Variants in KCNIP4 observed in about 807,000 individuals in gnomAD.
KCNIP4 encodes potassium voltage-gated channel interacting protein 4, also known as Kv channel-interacting protein 4.
Under a neutral mutation model 34.0 loss-of-function variants are expected in KCNIP4, and 12 were observed. That is an observed-to-expected ratio of 0.35 (90% confidence interval 0.23 to 0.57). KCNIP4 has a LOEUF of 0.57. Ranked by LOEUF, KCNIP4 falls within the 20% of genes least tolerant of loss-of-function variation. The pLI is 0.83. For missense variants in KCNIP4, 238 were observed against 311.7 expected (o/e 0.76, Z 1.78); for synonymous variants, 124 against 102.2 (o/e 1.21, Z -1.29).
At chr4:21,758,713 A>G (rs1419736083) in intron 1 of KCNIP4, among the ~76,000 whole-genome samples, 2 of 152,090 alleles carry the variant, frequency 1.3e-5, no homozygotes, top group African/African-American at 4.8e-5. Context: ...TACTTATCCC[A>G]TCTGTAAAAC....
chr4:20,843,096 T>G (rs775799269), intron 3 of KCNIP4, among the ~76,000 whole-genome samples: 2 of 151,952 alleles, frequency 1.3e-5, no homozygotes, highest in South Asian at 4.2e-4. Flanking sequence ...TTAGTAGATA[T>G]GGGGTTTCGC....
At chr4:21,946,947 C>G (rs937199613) in intron 1 of KCNIP4, among the ~76,000 whole-genome samples, 6 of 152,164 alleles carry the variant, frequency 3.9e-5, no homozygotes, top group African/African-American at 1.4e-4. Context: ...TGACCCTGTG[C>G]ATAGTCTAGA....
chr4:21,238,422 A>G (rs986074087), intron 1 of KCNIP4, among the ~76,000 whole-genome samples: 9 of 152,174 alleles, frequency 5.9e-5, no homozygotes, highest in African/African-American at 1.9e-4. Flanking sequence ...TTCAATTAGG[A>G]AAAGAGGAAG....
Position 20,895,513 on chromosome 4 carries a change from G to A in KCNIP4, c.62-12804C>T, listed in dbSNP as rs897942346. ...CTGCAAAATGCTTCAAATGCCAGAA[G>A]AAATAACATATAATCCATTATAATT... On this transcript the variant is annotated intron_variant, in intron 1 of 8. Coordinates refer to ENST00000382152, the MANE Select transcript of KCNIP4 (RefSeq NM_025221.6). Among the ~76,000 whole-genome samples the A allele has an allele frequency of 2.0e-5, 3 of 152,292 alleles. No individual in the cohort carries two copies. In the East Asian group the frequency reaches 5.8e-4, roughly 29 times the overall value.
intron 1 of KCNIP4, among the ~76,000 whole-genome samples, chr4:21,486,470 A>C (rs1731922205): frequency 6.6e-6 from 1 of 152,162 alleles, no homozygotes; most frequent in Admixed American, 6.5e-5. Context: ...CTATCTCCAA[A>C]ATCAAAGGAA....
chr4:21,327,364 A>G (rs925966541), intron 1 of KCNIP4, among the ~76,000 whole-genome samples: 12 of 152,104 alleles, frequency 7.9e-5, no homozygotes, highest in African/African-American at 2.9e-4. Flanking sequence ...TAAACATGTC[A>G]TGCCAATCTC....
chr4:21,156,399 C>T (rs1448538921), intron 1 of KCNIP4, among the ~76,000 whole-genome samples: 1 of 152,170 alleles, frequency 6.6e-6, no homozygotes. Flanking sequence ...CTGTCTTTCT[C>T]TGCTCAAAGA....
At chr4:21,645,751 A>G (rs1003145600) in intron 1 of KCNIP4, among the ~76,000 whole-genome samples, 1 of 152,154 alleles carries the variant, frequency 6.6e-6, no homozygotes, top group African/African-American at 2.4e-5. Context: ...GATGGGCTGT[A>G]TGAGTGGCAA....
intron 1 of KCNIP4, chr4:21,544,497 G>C (rs1334782256): frequency 1.3e-5 from 2 of 152,138 alleles, no homozygotes; most frequent in African/African-American, 4.8e-5. Flanking sequence ...GAAGTTCCAA[G>C]GACTAATCCA....
At chr4:21,922,673 GATCA>G (rs749632593) in intron 1 of KCNIP4, among the ~76,000 whole-genome samples, 12 of 152,090 alleles carry the variant, frequency 7.9e-5, no homozygotes, top group Non-Finnish European at 1.0e-4. Context: ...TATAAACTGA[GATCA>G]ATCAAACTAC....
chr4:20,962,434 C>T (rs541571471), intron 1 of KCNIP4, among the ~76,000 whole-genome samples: 1 of 152,254 alleles, frequency 6.6e-6, no homozygotes, highest in East Asian at 1.9e-4. Flanking sequence ...CTTCTCGTTG[C>T]CCATGTTTCT....
chr4:21,486,529 A>G (rs1216876537), intron 1 of KCNIP4, among the ~76,000 whole-genome samples: 1 of 152,226 alleles, frequency 6.6e-6, no homozygotes, highest in Non-Finnish European at 1.5e-5. Context: ...AGTTTTGCTC[A>G]TATTTGCATT....
intron 1 of KCNIP4, among the ~76,000 whole-genome samples, chr4:20,950,070 C>A (rs7698780): frequency 0.61 from 90,602 of 148,262 alleles, 28,103 homozygotes; most frequent in East Asian, 0.82. Context: ...AAAAACTATA[C>A]AATTTTACAA....
At chr4:21,626,875 T>C (rs1577715028) in intron 1 of KCNIP4, among the ~76,000 whole-genome samples, 1 of 151,680 alleles carries the variant, frequency 6.6e-6, no homozygotes, top group Admixed American at 6.6e-5. Context: ...ATTTTTTTTT[T>C]CCCCAGGCTA....
At chr4:21,284,734 TTGTGTGTG>T (rs10547040) in intron 1 of KCNIP4, among the ~76,000 whole-genome samples, 20 of 149,586 alleles carry the variant, frequency 1.3e-4, no homozygotes, top group Admixed American at 8.7e-4. Context: ...GTGGGTGCCC[TTGTGTGTG>T]TGTGTGTGTG....
intron 1 of KCNIP4, among the ~76,000 whole-genome samples, chr4:21,309,365 G>A (rs1228102237): frequency 6.6e-6 from 1 of 150,812 alleles, no homozygotes; most frequent in Non-Finnish European, 1.5e-5. Context: ...ATATAAGCCA[G>A]TATGAGTAAT....
intron 1 of KCNIP4, among the ~76,000 whole-genome samples, chr4:21,128,490 G>A (rs375766318): frequency 6.6e-6 from 1 of 152,132 alleles, no homozygotes; most frequent in East Asian, 1.9e-4. Flanking sequence ...AGGATTGAGG[G>A]TAAGGATGCT....
intron 1 of KCNIP4, among the ~76,000 whole-genome samples, chr4:21,565,343 C>T (rs1199077597): frequency 1.3e-5 from 2 of 152,098 alleles, no homozygotes; most frequent in African/African-American, 4.8e-5. Context: ...CTAATCTCAT[C>T]ATGGGAGCCC....
chr4:21,395,232 C>A (rs191765790), intron 1 of KCNIP4, among the ~76,000 whole-genome samples: 2 of 152,078 alleles, frequency 1.3e-5, no homozygotes, highest in Non-Finnish European at 2.9e-5. Flanking sequence ...GGTCTACTCC[C>A]AGAAGAGAAA....
Sources: allele counts gnomAD v4.1 joint callset (sites outside exome capture counted in the v4.1 genomes callset), GRCh38; gene constraint gnomAD v4.1.1; transcripts MANE v1.5; gene names NCBI Gene and HGNC (gene_info 2026-07-23, HGNC 2026-07-21).